The following SYT9 variants were observed in gnomAD, a reference collection of about 807,000 sequenced individuals.
The protein encoded by SYT9 is synaptotagmin 9.
SYT9 carries 22 observed loss-of-function variants against 48.4 expected under a neutral mutation model. The observed-to-expected ratio is 0.45, with a 90% CI of 0.32 to 0.65. The LOEUF (loss-of-function observed/expected upper bound fraction) is 0.65, where lower values mean the gene tolerates loss of function less well. Ranked by LOEUF, SYT9 falls within the 30% of genes least tolerant of loss-of-function variation. The pLI is 0.03. For missense variants in SYT9, 577 were observed against 622.0 expected, an observed-to-expected ratio of 0.93 and a Z score of 0.77; for synonymous variants, 265 against 245.0, an observed-to-expected ratio of 1.08 and a Z score of -0.76.
chr11:7,328,157 C>G (rs186924888), intron 3 of SYT9, among the ~76,000 whole-genome samples: 2 of 151,348 alleles, frequency 1.3e-5, no homozygotes, highest in Non-Finnish European at 2.9e-5. Context: ...TTTTAACTTA[C>G]AAATTTCCTA....
In SYT9 at chr11:7,433,902, G is replaced by A. The variant is rs1021311927; in HGVS notation, c.1467+13267G>A. 5.3e-5 allele frequency among the ~76,000 whole-genome samples: 8 copies of A among 152,270 alleles called. 3 individuals are homozygous for A. The highest frequency in any genetic ancestry group is 1.3e-4 in the Admixed American group (2 of 15,292). ...GACTAAGACATCCCCCTTAATGACT[G>A]GAGTCAGAATCACATCAAAAAATAA... On this transcript the variant is annotated intron_variant, in intron 6 of 6. Transcript: ENST00000318881.
chr11:7,294,257 G>A (rs1028072346), intron 1 of SYT9, among the ~76,000 whole-genome samples: 1 of 152,138 alleles, frequency 6.6e-6, no homozygotes, highest in African/African-American at 2.4e-5. Flanking sequence ...GGGGACACAA[G>A]CATTAAATCT....
chr11:7,421,500 G>T (rs116284348), intron 6 of SYT9, among the ~76,000 whole-genome samples: 1 of 152,188 alleles, frequency 6.6e-6, no homozygotes, highest in Non-Finnish European at 1.5e-5. Context: ...GTGTCAATGT[G>T]TCCAACTAAA....
rs115261378 is a variant in SYT9 at position 7,324,873 on chromosome 11, A to G, written c.1044+10932A>G. On this transcript the variant is annotated intron_variant, in intron 3 of 6. Transcript: ENST00000318881. ...TGTCTCACTCATATCTACATCTTGA[A>G]TAATATTTTTCCTCAGTCTAATATA... 6.1e-3 allele frequency among the ~76,000 whole-genome samples: 924 copies of G among 152,216 alleles called. 7 individuals carry two copies. Among genetic ancestry groups the G allele is most frequent in the African/African-American group, 0.021 (857 of 41,556 alleles).
chr11:7,451,235 C>CT (rs1316679025), intron 6 of SYT9, among the ~76,000 whole-genome samples: 1 of 152,154 alleles, frequency 6.6e-6, no homozygotes, highest in Admixed American at 6.6e-5. Context: ...AATTTATTAA[C>CT]AGAAAGCCCT....
rs1446407410 is a variant in SYT9 at position 7,466,966 on chromosome 11, A to G, written c.*166A>G. 2.4e-6 allele frequency: 2 copies of G among 834,384 alleles called. No individual in the cohort carries two copies. Among genetic ancestry groups the G allele is most frequent in the Middle Eastern group, 2.3e-4 (1 of 4,286 alleles). 51.7% of individuals were successfully genotyped at this position (834,384 alleles called of 1,614,324 possible). A position where few individuals can be genotyped will look rare whatever the true frequency, so the allele number is the denominator to read the frequency against. ...CTTCTTTCCAGATTGGGTTTGGTGA[A>G]CCTGAATGGTCCAGCCACCTTCTGC... On this transcript the variant is annotated 3_prime_UTR_variant, in exon 7 of 7. Transcript: ENST00000318881.
rs1200255879 is a variant in SYT9, at chr11:7,283,164, T to TACAC, written c.146-19859_146-19856dup. Reference sequence around the variant, plus strand: ...ATGTGTGTGTATATATATATATATATACACACACACACACACACAGCCTAA... The same window carrying TACAC: ...ATGTGTGTGTATATATATATATATATACACACACACACACACACACACAGCCTAA... On this transcript the variant is annotated intron_variant, in intron 1 of 6. Coordinates refer to ENST00000318881, the MANE Select transcript of SYT9 (RefSeq NM_175733.4). Among the ~76,000 whole-genome samples, 9 of 138,404 alleles carry TACAC rather than the reference T, an allele frequency of 6.5e-5. No homozygotes were observed. In the East Asian group the frequency reaches 1.0e-3, roughly 16 times the overall value. 90.8% of individuals were successfully genotyped at this position (138,404 alleles called of 152,430 possible). A position where few individuals can be genotyped will look rare whatever the true frequency, so the allele number is the denominator to read the frequency against.
At chr11:7,462,415 G>C (rs1848252813) in intron 6 of SYT9, among the ~76,000 whole-genome samples, 1 of 152,114 alleles carries the variant, frequency 6.6e-6, no homozygotes, top group Non-Finnish European at 1.5e-5. Flanking sequence ...CTCCTGAAAG[G>C]CAGTATAGTC....
chr11:7,269,400 A>C (rs1025520927), intron 1 of SYT9, among the ~76,000 whole-genome samples: 1 of 152,186 alleles, frequency 6.6e-6, no homozygotes, highest in Non-Finnish European at 1.5e-5. Flanking sequence ...TATAGATGAC[A>C]GCAAAACAAT....
intron 3 of SYT9, among the ~76,000 whole-genome samples, chr11:7,373,755 G>A (rs1351362095): frequency 6.6e-6 from 1 of 152,078 alleles, no homozygotes; most frequent in Non-Finnish European, 1.5e-5. Context: ...TCCTCCAGAT[G>A]TTTGGAAGCA....
chr11:7,280,265 A>G (rs140080200), intron 1 of SYT9, among the ~76,000 whole-genome samples: 2,162 of 152,362 alleles, frequency 0.014, 41 homozygotes, highest in African/African-American at 0.047. Context: ...TCCTGTATCC[A>G]TAGCAACCTT....
chr11:7,249,247 C>T (rs1847830382), upstream of SYT9, among the ~76,000 whole-genome samples: 1 of 152,216 alleles, frequency 6.6e-6, no homozygotes, highest in Non-Finnish European at 1.5e-5. Flanking sequence ...GTTTCTCATT[C>T]TTCTGGACCC....
chr11:7,261,863 G>A (rs1848086822), intron 1 of SYT9, among the ~76,000 whole-genome samples: 1 of 152,160 alleles, frequency 6.6e-6, no homozygotes, highest in African/African-American at 2.4e-5. Context: ...ATGGCAGACT[G>A]ATTGTAGGCC....
chr11:7,452,510 T>C (rs988417074), intron 6 of SYT9, among the ~76,000 whole-genome samples: 5 of 152,232 alleles, frequency 3.3e-5, no homozygotes, highest in Admixed American at 1.3e-4. Context: ...AAGTTTTGCT[T>C]CTATACGGTC....
intron 1 of SYT9, among the ~76,000 whole-genome samples, chr11:7,296,093 C>A (rs891608543): frequency 2.6e-5 from 4 of 152,070 alleles, no homozygotes; most frequent in African/African-American, 9.7e-5. Flanking sequence ...TCCTGAGATA[C>A]CTCATGAAAA....
intron 3 of SYT9, among the ~76,000 whole-genome samples, chr11:7,328,273 A>T (rs1849471186): frequency 1.3e-5 from 2 of 151,968 alleles, no homozygotes; most frequent in Non-Finnish European, 2.9e-5. Flanking sequence ...TAGTATATTT[A>T]TGTCATTGTG....
rs542269845 is a variant in SYT9 at position 7,462,471 on chromosome 11, G to T, written c.1468-4321G>T. 2.6e-5 allele frequency among the ~76,000 whole-genome samples: 4 copies of T among 152,150 alleles called. No homozygotes were observed. In the South Asian group the frequency reaches 8.3e-4, roughly 32 times the overall value. ...CTTTAACATACTTGTTCTTAAAGCC[G>T]AGAGAGGAAGTAAAAAAAAAATAGA... On this transcript the variant is annotated intron_variant, in intron 6 of 6. Transcript: ENST00000318881.
intron 5 of SYT9, among the ~76,000 whole-genome samples, chr11:7,419,782 A>C (rs1175602782): frequency 1.3e-5 from 2 of 152,192 alleles, no homozygotes; most frequent in African/African-American, 4.8e-5. Context: ...CTGTAATCCC[A>C]GCTACTTGGA....
chr11:7,446,721 T>C (rs1452016984), intron 6 of SYT9, among the ~76,000 whole-genome samples: 1 of 152,186 alleles, frequency 6.6e-6, no homozygotes, highest in Admixed American at 6.5e-5. Context: ...AAGCTCCCTC[T>C]CCAGAGGCGG....
Sources: allele counts gnomAD v4.1 joint callset (sites outside exome capture counted in the v4.1 genomes callset), GRCh38; gene constraint gnomAD v4.1.1; transcripts MANE v1.5; gene names NCBI Gene and HGNC (gene_info 2026-07-23, HGNC 2026-07-21).